The following TM4SF18 variants were observed in gnomAD, a reference collection of about 807,000 sequenced individuals.
The protein encoded by TM4SF18 is transmembrane 4 L6 family member 18.
Under a neutral mutation model 23.8 loss-of-function variants are expected in TM4SF18, and 22 were observed. The ratio of observed to expected loss-of-function variants is 0.92; its 90% CI spans 0.66 to 1.32. The LOEUF (loss-of-function observed/expected upper bound fraction) is 1.32, where lower values mean the gene tolerates loss of function less well. TM4SF18 is among the 40% of genes most tolerant of loss of function. The probability of loss-of-function intolerance (pLI) is 0.00; values close to 1 mark genes in which losing one functional copy is unlikely to be tolerated. For synonymous variants in TM4SF18, 87 were observed against 87.9 expected (o/e 0.99, Z 0.06); for missense variants, 255 against 240.3 (o/e 1.06, Z -0.41).
chr3:149,328,864 C>T (rs967325112), intron 3 of TM4SF18, among the ~76,000 whole-genome samples: 4 of 152,176 alleles, frequency 2.6e-5, no homozygotes, highest in Non-Finnish European at 5.9e-5. Flanking sequence ...CTCTTTCTTT[C>T]TCCTGCTGTT....
rs949993494 is a variant in TM4SF18 at position 149,321,181 on chromosome 3, T to C, written c.*297A>G. 2 of 256,912 alleles carry C rather than the reference T, an allele frequency of 7.8e-6. No homozygotes were observed. The highest frequency in any genetic ancestry group is 4.4e-5 in the African/African-American group (2 of 45,536). The allele number at this position is 256,912 out of a possible 1,614,324, so 15.9% of individuals were successfully genotyped here. ...ATTAAATAATGTTGCAATATACATA[T>C]TTGCATAAAGGTTTCTCTCATATTC... is the stretch of plus-strand genomic sequence containing the variant. On this transcript the variant is annotated 3_prime_UTR_variant, in exon 6 of 6. Coordinates refer to ENST00000296059, the MANE Select transcript of TM4SF18 (RefSeq NM_138786.4).
At chr3:149,332,002 A>C (rs572957457) in intron 2 of TM4SF18, among the ~76,000 whole-genome samples, 1 of 152,274 alleles carries the variant, frequency 6.6e-6, no homozygotes, top group African/African-American at 2.4e-5. Flanking sequence ...CTGCACACAT[A>C]GCTCTTCCCT....
rs1730906564 is a variant in TM4SF18, at chr3:149,325,007, T to A, written c.283A>T (p.Ile95Phe). The part of the protein sequence containing the change: ...SKKYVTLLSI[I>F]FSSLGIAFSG... ...AAAGCAATTCCGAGGGAAGAAAAGA[T>A]AATTGACAGCAGTGTCTAAATTAAA... The change falls in exon 4 of 6, where the codon ATC becomes TTC. Residue 95 changes from isoleucine to phenylalanine, a missense_variant. Physicochemically the swap from Ile to Phe is conservative, Grantham distance 21. Transcript: ENST00000296059. The A allele has an allele frequency of 6.2e-7, 1 of 1,613,802 alleles. No individual in the cohort carries two copies. Among genetic ancestry groups the A allele is most frequent in the Non-Finnish European group, 8.5e-7 (1 of 1,179,928 alleles).
rs1397998090 is a variant in TM4SF18, at chr3:149,324,234, T to C, written c.410+646A>G. Among the ~76,000 whole-genome samples the C allele has an allele frequency of 3.9e-5, 6 of 152,244 alleles. No individual in the cohort carries two copies. The East Asian group carries it at 1.2e-3, about 29-fold the overall frequency. On this transcript the variant is annotated intron_variant, in intron 4 of 5. Coordinates refer to ENST00000296059, the MANE Select transcript of TM4SF18 (RefSeq NM_138786.4). ...GTGTGAGGCATTCTGAGATCCGGGA[T>C]TGGGTTGTGAGACTCCTGACTGAAT...
chr3:149,332,290 C>A (rs1313684229), intron 2 of TM4SF18, among the ~76,000 whole-genome samples: 1 of 152,040 alleles, frequency 6.6e-6, no homozygotes, highest in Non-Finnish European at 1.5e-5. Flanking sequence ...TAATTAAAAA[C>A]CCCTAAAAGA....
chr3:149,329,156 T>TCACACACACA lies in TM4SF18; in HGVS notation c.267+1164_267+1173dup, dbSNP rs33985529. Among the ~76,000 whole-genome samples the TCACACACACA allele has an allele frequency of 5.7e-3, 813 of 142,224 alleles. 8 individuals carry two copies. Among genetic ancestry groups the TCACACACACA allele is most frequent in the African/African-American group, 0.02 (765 of 38,828 alleles). 93.3% of individuals were successfully genotyped at this position (142,224 alleles called of 152,430 possible). A position where few individuals can be genotyped will look rare whatever the true frequency, so the allele number is the denominator to read the frequency against. ...ACTGGAGGATGACTGAGTCAACTGGTCACACACACACACACACACACACAC... is the reference window on the plus strand; with the variant it reads ...ACTGGAGGATGACTGAGTCAACTGGTCACACACACACACACACACACACACACACACACAC... On this transcript the variant is annotated intron_variant, in intron 3 of 5. Transcript: ENST00000296059.
At chr3:149,323,244 A>G (rs1054105409) in intron 4 of TM4SF18, among the ~76,000 whole-genome samples, 4 of 152,184 alleles carry the variant, frequency 2.6e-5, no homozygotes, top group Non-Finnish European at 5.9e-5. Flanking sequence ...CTAACCCCAG[A>G]GTTATTGTGA....
chr3:149,333,559 G>A lies in TM4SF18; in HGVS notation c.-64C>T, dbSNP rs1576835970. Reference sequence around the variant, plus strand: ...TCACTTCATATTCATGAGGAGACGGGGAATTGGAATATACCCGCAGCCGAC... The same window carrying A: ...TCACTTCATATTCATGAGGAGACGGAGAATTGGAATATACCCGCAGCCGAC... On this transcript the variant is annotated 5_prime_UTR_variant, in exon 1 of 6. Coordinates refer to ENST00000296059, the MANE Select transcript of TM4SF18 (RefSeq NM_138786.4). The A allele has an allele frequency of 4.4e-6, 2 of 456,764 alleles. No individual in the cohort carries two copies. Among genetic ancestry groups the A allele is most frequent in the African/African-American group, 4.1e-5 (2 of 48,272 alleles). The allele number at this position is 456,764 out of a possible 1,614,324, so 28.3% of individuals were successfully genotyped here. A position where few individuals can be genotyped will look rare whatever the true frequency, so the allele number is the denominator to read the frequency against.
At position 149,322,252 on chromosome 3, in the gene TM4SF18, T is replaced by C. The variant is rs768813680; in HGVS notation, c.591+4A>G. ...AGCTACAGGTGCCCATGAGAATCTGTTACCTGGAAGATCACTGAATAGCTT... is the reference window on the plus strand; with the variant it reads ...AGCTACAGGTGCCCATGAGAATCTGCTACCTGGAAGATCACTGAATAGCTT... On this transcript the variant is annotated splice_donor_region_variant and intron_variant, in intron 5 of 5. Coordinates refer to ENST00000296059, the MANE Select transcript of TM4SF18 (RefSeq NM_138786.4). 6.2e-7 allele frequency: 1 copy of C among 1,608,232 alleles called. No homozygotes were observed. Among genetic ancestry groups the C allele is most frequent in the South Asian group, 1.1e-5 (1 of 90,030 alleles).
At chr3:149,324,058 A>T (rs1408998619) in intron 4 of TM4SF18, among the ~76,000 whole-genome samples, 1 of 152,178 alleles carries the variant, frequency 6.6e-6, no homozygotes, top group African/African-American at 2.4e-5. Context: ...GAGAGTTGAG[A>T]AGAAAATTTA....
chr3:149,333,482 C>CTCTCTTT lies in TM4SF18; in HGVS notation c.-18+30_-18+31insAAAGAGA, dbSNP rs4048749. 1.5e-4 allele frequency: 35 copies of CTCTCTTT among 237,610 alleles called. 1 individual carries two copies. The highest frequency in any genetic ancestry group is 2.8e-4 in the East Asian group (5 of 17,582). 14.7% of individuals were successfully genotyped at this position (237,610 alleles called of 1,614,324 possible). A position where few individuals can be genotyped will look rare whatever the true frequency, so the allele number is the denominator to read the frequency against. ...TGACCTTTTTTTTCTCTCTCTCTCT[C>CTCTCTTT]TTTTTTTTTTTTTTTTTTGAGATTA... is the stretch of plus-strand genomic sequence containing the variant. On this transcript the variant is annotated intron_variant, in intron 1 of 5. Transcript: ENST00000296059.
chr3:149,333,479 T>TCA, intron 1 of TM4SF18, 34 bp downstream of exon 1: 10 of 483,642 alleles, frequency 2.1e-5, no homozygotes, highest in African/African-American at 5.7e-5. Context: ...TCTCTCTCTC[T>TCA]CTCTTTTTTT....
At chr3:149,329,284 A>T (rs1225217302) in intron 3 of TM4SF18, among the ~76,000 whole-genome samples, 1 of 152,178 alleles carries the variant, frequency 6.6e-6, no homozygotes, top group East Asian at 1.9e-4. Flanking sequence ...GACATTGGTC[A>T]AAGAAAATTT....
intron 3 of TM4SF18, chr3:149,330,081 A>T: frequency 3.5e-6 from 1 of 281,968 alleles, no homozygotes; most frequent in Non-Finnish European, 6.5e-6. Flanking sequence ...AAACTTAGTT[A>T]GGAAAAAAAA....
rs1219207584 is a variant in TM4SF18, at chr3:149,320,751, T to A, written c.*727A>T. The A allele has an allele frequency of 6.6e-6, 1 of 152,114 alleles. No homozygotes were observed. The highest frequency in any genetic ancestry group is 1.9e-4 in the East Asian group (1 of 5,190). 9.4% of individuals were successfully genotyped at this position (152,114 alleles called of 1,614,324 possible). On this transcript the variant is annotated 3_prime_UTR_variant, in exon 6 of 6. Coordinates refer to ENST00000296059, the MANE Select transcript of TM4SF18 (RefSeq NM_138786.4). The stretch of plus-strand genomic sequence containing the variant: ...AATAAAAAAATTTTAATAGTGAAAA[T>A]ATGAGTTTAGAAAATATTTATAGTA...
At chr3:149,325,064 A>G (rs1157679766) in intron 3 of TM4SF18, 42 bp from the exon 4 acceptor site, 5 of 1,591,436 alleles carry the variant, frequency 3.1e-6, no homozygotes, top group East Asian at 2.3e-5. Context: ...ATAGAATGCG[A>G]CAAGGGGATA....
At chr3:149,331,506 A>G (rs1442412816) in intron 2 of TM4SF18, among the ~76,000 whole-genome samples, 3 of 152,198 alleles carry the variant, frequency 2.0e-5, no homozygotes, top group African/African-American at 7.2e-5. Context: ...CAACTCTTCC[A>G]TCTATTGCAA....
intron 3 of TM4SF18, 47 bp from the exon 4 acceptor site, chr3:149,325,069 G>A (rs1361564203): frequency 3.8e-6 from 6 of 1,576,292 alleles, no homozygotes; most frequent in Non-Finnish European, 5.2e-6. Context: ...ATGCGACAAG[G>A]GGATATTGTG....
chr3:149,324,345 A>G (rs990437381), intron 4 of TM4SF18, among the ~76,000 whole-genome samples: 7 of 152,124 alleles, frequency 4.6e-5, no homozygotes, highest in Admixed American at 4.6e-4. Flanking sequence ...AAACTCCTGC[A>G]CCTAATCATG....
Sources: gnomAD v4.1 joint callset for allele counts (sites outside exome capture counted in the v4.1 genomes callset) on GRCh38, gnomAD v4.1.1 for gene constraint, MANE v1.5 for transcripts, NCBI Gene and HGNC (gene_info 2026-07-23, HGNC 2026-07-21) for gene names.